Variants in PAM observed in about 807,000 individuals in gnomAD.
PAM encodes peptidylglycine alpha-amidating monooxygenase, also known as peptidyl-glycine alpha-amidating monooxygenase.
PAM carries 72 observed loss-of-function variants against 122.1 expected under a neutral mutation model. The observed-to-expected ratio is 0.59, with a 90% CI of 0.49 to 0.72. The LOEUF is 0.72. Ranked by LOEUF, PAM falls within the 30% of genes least tolerant of loss-of-function variation. The pLI, the probability that PAM is intolerant of heterozygous loss-of-function variation, is 0.00. For synonymous variants in PAM, 389 were observed against 404.4 expected (o/e 0.96, Z 0.46); for missense variants, 1,106 against 1,183.7 (o/e 0.93, Z 0.96).
chr5:103,000,140 C>T (rs1776958742), intron 16 of PAM, among the ~76,000 whole-genome samples: 1 of 152,212 alleles, frequency 6.6e-6, no homozygotes, highest in African/African-American at 2.4e-5. Flanking sequence ...CTCTTATGAG[C>T]ACTCAAGTTA....
intron 1 of PAM, among the ~76,000 whole-genome samples, chr5:102,821,221 G>T (rs1340527109): frequency 6.6e-6 from 1 of 152,150 alleles, no homozygotes; most frequent in Non-Finnish European, 1.5e-5. Context: ...AGAAGTTTTA[G>T]CTTATGTAAA....
intron 12 of PAM, among the ~76,000 whole-genome samples, chr5:102,951,665 T>C (rs1758933639): frequency 6.6e-6 from 1 of 152,080 alleles, no homozygotes; most frequent in Non-Finnish European, 1.5e-5. Flanking sequence ...AGGGAAAAGG[T>C]ACTAAGGCAG....
At chr5:102,920,693 A>G (rs1016562045) in intron 5 of PAM, among the ~76,000 whole-genome samples, 11 of 151,956 alleles carry the variant, frequency 7.2e-5, no homozygotes, top group Non-Finnish European at 1.2e-4. Flanking sequence ...TCTTTAAAAA[A>G]CTTTCTAACT....
chr5:103,025,175 T>G lies in PAM; in HGVS notation c.2530T>G (p.Ser844Ala). Residue 844 changes from serine to alanine, a missense_variant, in exon 24 of 26, where the codon TCC becomes GCC. By Grantham distance (99) the Ser-to-Ala change is moderately conservative. Coordinates refer to ENST00000438793, the MANE Select transcript of PAM (RefSeq NM_001177306.2). ...AACCAAAATGGAGAACAAACCCACC[T>G]CCTCAGAATTGCAGAAGATGCAAGA... ...VETKMENKPT[S>A]SELQKMQEKQ... The G allele has an allele frequency of 6.2e-7, 1 of 1,613,710 alleles. No homozygotes were observed.
chr5:103,026,212 A>T (rs1784896105), intron 24 of PAM, among the ~76,000 whole-genome samples: 1 of 152,178 alleles, frequency 6.6e-6, no homozygotes, highest in Admixed American at 6.5e-5. Context: ...GCTCAGTAGC[A>T]GTCCCTTGGC....
intron 12 of PAM, among the ~76,000 whole-genome samples, chr5:102,958,751 T>C (rs1761599201): frequency 6.6e-6 from 1 of 152,160 alleles, no homozygotes; most frequent in Non-Finnish European, 1.5e-5. Context: ...AAATCCCTGT[T>C]TGAAAAATAT....
chr5:102,894,422 A>G (rs1442368664), intron 3 of PAM, among the ~76,000 whole-genome samples: 1 of 151,646 alleles, frequency 6.6e-6, no homozygotes, highest in Non-Finnish European at 1.5e-5. Flanking sequence ...CTTCCAAGGC[A>G]TGTGGCTACC....
intron 1 of PAM, among the ~76,000 whole-genome samples, chr5:102,778,861 G>T (rs1308711369): frequency 1.3e-5 from 2 of 152,112 alleles, no homozygotes; most frequent in African/African-American, 2.4e-5. Context: ...AGGTTTACCC[G>T]TTTGTGTTTT....
chr5:102,791,790 G>A (rs1762131991), intron 1 of PAM, among the ~76,000 whole-genome samples: 1 of 152,062 alleles, frequency 6.6e-6, no homozygotes, highest in African/African-American at 2.4e-5. Flanking sequence ...TTAATTAGTT[G>A]TATTTAGTCT....
intron 3 of PAM, among the ~76,000 whole-genome samples, chr5:102,872,788 T>C (rs944833839): frequency 6.6e-6 from 1 of 152,228 alleles, no homozygotes; most frequent in Non-Finnish European, 1.5e-5. Context: ...AGCTTGGCTT[T>C]TGTCTAGTTT....
At chr5:102,988,371 A>G (rs1562149951) in intron 15 of PAM, among the ~76,000 whole-genome samples, 2 of 143,046 alleles carry the variant, frequency 1.4e-5, no homozygotes, top group Non-Finnish European at 2.9e-5. Flanking sequence ...GCCCTCTCCT[A>G]TATTCCTGTA....
At chr5:102,859,282 T>C (rs1783454579) in intron 1 of PAM, among the ~76,000 whole-genome samples, 1 of 151,858 alleles carries the variant, frequency 6.6e-6, no homozygotes, top group Admixed American at 6.6e-5. Context: ...TGGGACAAGA[T>C]GTGGAGGTGA....
At chr5:102,853,723 T>A (rs929654150) in intron 1 of PAM, among the ~76,000 whole-genome samples, 1 of 152,208 alleles carries the variant, frequency 6.6e-6, no homozygotes, top group Non-Finnish European at 1.5e-5. Flanking sequence ...GACTTAGAAC[T>A]ATCACTTCTG....
rs537204692 is a variant in PAM at position 102,796,160 on chromosome 5, T to C, written c.-374+40812T>C. ...GAGATCTGTACAAACAAGTTTTTAT[T>C]TGTTCAAGTTAATGAGGGCAACACC... On this transcript the variant is annotated intron_variant, in intron 1 of 25. Coordinates refer to ENST00000438793, the MANE Select transcript of PAM (RefSeq NM_001177306.2). Among the ~76,000 whole-genome samples, 196 of 152,230 alleles carry C rather than the reference T, an allele frequency of 1.3e-3. 2 individuals carry two copies. The highest frequency in any genetic ancestry group is 2.3e-3 in the Non-Finnish European group (158 of 68,000).
intron 7 of PAM, among the ~76,000 whole-genome samples, chr5:102,941,936 G>T (rs1420627383): frequency 6.6e-6 from 1 of 151,056 alleles, no homozygotes; most frequent in Non-Finnish European, 1.5e-5. Flanking sequence ...CACAAGATCT[G>T]GATCCGCTTT....
chr5:102,940,053 G>A (rs924834823), intron 7 of PAM, among the ~76,000 whole-genome samples: 2 of 150,838 alleles, frequency 1.3e-5, no homozygotes, highest in Non-Finnish European at 3.0e-5. Flanking sequence ...ACAACACATT[G>A]TTGCACAAAA....
At chr5:102,949,437 T>TCCCTAGTC (rs979985987) in intron 9 of PAM, 100 bp from the exon 10 acceptor site, 112 of 754,560 alleles carry the variant, frequency 1.5e-4, no homozygotes, top group Non-Finnish European at 2.5e-4. Context: ...AAAACCTCAG[T>TCCCTAGTC]CCCTAGCATC....
chr5:102,955,948 AG>A (rs34718401), intron 12 of PAM, among the ~76,000 whole-genome samples: 2 of 152,052 alleles, frequency 1.3e-5, no homozygotes, highest in Non-Finnish European at 2.9e-5. Context: ...GCTGATACTA[AG>A]GATGATTTGA....
At chr5:102,826,492 G>A (rs113523221) in intron 1 of PAM, among the ~76,000 whole-genome samples, 36 of 152,198 alleles carry the variant, frequency 2.4e-4, no homozygotes, top group African/African-American at 7.9e-4. Context: ...GTAGACATAC[G>A]GTAGATTTTT....
Sources: allele counts gnomAD v4.1 joint callset (sites outside exome capture counted in the v4.1 genomes callset), GRCh38; gene constraint gnomAD v4.1.1; transcripts MANE v1.5; gene names NCBI Gene and HGNC (gene_info 2026-07-23, HGNC 2026-07-21).